The following WDPCP variants were observed in gnomAD, a reference collection of about 807,000 sequenced individuals.
The protein encoded by WDPCP is WD repeat-containing and planar cell polarity effector protein fritz homolog.
Under a neutral mutation model 93.1 loss-of-function variants are expected in WDPCP, and 71 were observed. The observed-to-expected ratio is 0.76, with a 90% CI of 0.63 to 0.93. The LOEUF is 0.93. Ranked by LOEUF, WDPCP falls within the 40% of genes least tolerant of loss-of-function variation. The probability of loss-of-function intolerance (pLI) is 0.00; values close to 1 mark genes in which losing one functional copy is unlikely to be tolerated. For synonymous variants in WDPCP, 315 were observed against 315.0 expected (o/e 1.00, Z 0.00); for missense variants, 844 against 887.4 (o/e 0.95, Z 0.62).
At chr2:63,226,528 A>G (rs1678305570) in intron 14 of WDPCP, among the ~76,000 whole-genome samples, 1 of 151,914 alleles carries the variant, frequency 6.6e-6, no homozygotes, top group Non-Finnish European at 1.5e-5. Context: ...AATAAACAGA[A>G]GAAAGGTTAT....
chr2:63,508,926 T>C (rs6717963), intron 1 of WDPCP, among the ~76,000 whole-genome samples: 148,368 of 152,300 alleles, frequency 0.97, 72,291 homozygotes, highest in East Asian at 1. Flanking sequence ...CACTCAGATT[T>C]ATAAAGCAAG....
At chr2:63,389,106 C>T (rs2104990155) in intron 10 of WDPCP, among the ~76,000 whole-genome samples, 1 of 152,176 alleles carries the variant, frequency 6.6e-6, no homozygotes, top group East Asian at 1.9e-4. Flanking sequence ...GTCAGATTCA[C>T]CAAGGTTGAA....
At chr2:63,575,269 A>G (rs1055868992) in intron 1 of WDPCP, among the ~76,000 whole-genome samples, 5 of 149,496 alleles carry the variant, frequency 3.3e-5, no homozygotes, top group African/African-American at 1.2e-4. Context: ...TCTATACATA[A>G]TACATATTAT....
chr2:63,291,727 T>G (rs924005589), intron 13 of WDPCP, among the ~76,000 whole-genome samples: 5 of 151,612 alleles, frequency 3.3e-5, no homozygotes, highest in Non-Finnish European at 7.4e-5. Context: ...GAGAATTACT[T>G]GAATGCAGGA....
rs148750774 is a variant in WDPCP, at chr2:63,569,541, C to T, written c.75+18656G>A. On this transcript the variant is annotated intron_variant, in intron 1 of 17. Coordinates refer to ENST00000272321, the MANE Select transcript of WDPCP (RefSeq NM_015910.7). ...GAAGCAATGTCATTCAAAAAAAAGA[C>T]GGGAAGGTCCAAAGATTACAAGCAC... Among the ~76,000 whole-genome samples the T allele has an allele frequency of 2.0e-3, 298 of 152,252 alleles. 2 individuals are homozygous for T. The highest frequency in any genetic ancestry group is 6.9e-3 in the African/African-American group (287 of 41,556).
At chr2:63,451,807 C>T (rs570733179) in intron 6 of WDPCP, among the ~76,000 whole-genome samples, 336 of 152,234 alleles carry the variant, frequency 2.2e-3, no homozygotes, top group Non-Finnish European at 4.0e-3. Context: ...AATCAATAAA[C>T]GTAATCCAGC....
At chr2:63,747,025 G>A (rs1347480326) in intron 2 of WDPCP, among the ~76,000 whole-genome samples, 1 of 151,794 alleles carries the variant, frequency 6.6e-6, no homozygotes, top group Non-Finnish European at 1.5e-5. Flanking sequence ...TCTCTCTTTT[G>A]TACTCTTTCC....
intron 1 of WDPCP, among the ~76,000 whole-genome samples, chr2:63,502,936 G>A (rs1701647164): frequency 6.6e-6 from 1 of 152,104 alleles, no homozygotes; most frequent in South Asian, 2.1e-4. Flanking sequence ...TGAAGCAAAA[G>A]GTGACAGATT....
At chr2:63,675,241 A>G (rs1356183689) in intron 2 of WDPCP, among the ~76,000 whole-genome samples, 14 of 152,096 alleles carry the variant, frequency 9.2e-5, no homozygotes, top group Non-Finnish European at 2.9e-5. Context: ...GGACTCTTCT[A>G]CCACCCAGGC....
chr2:63,134,466 G>A (rs2103619549), intron 17 of WDPCP, among the ~76,000 whole-genome samples: 1 of 152,266 alleles, frequency 6.6e-6, no homozygotes, highest in South Asian at 2.1e-4. Flanking sequence ...TTATATATAT[G>A]CATACACAAA....
At chr2:63,172,094 C>T (rs1673436595) in intron 15 of WDPCP, among the ~76,000 whole-genome samples, 1 of 152,154 alleles carries the variant, frequency 6.6e-6, no homozygotes, top group African/African-American at 2.4e-5. Flanking sequence ...TGGAAATGCT[C>T]TAAACCTAAA....
intron 2 of WDPCP, among the ~76,000 whole-genome samples, chr2:63,759,541 T>C (rs1172491622): frequency 1.3e-5 from 2 of 152,202 alleles, no homozygotes; most frequent in Non-Finnish European, 2.9e-5. Flanking sequence ...TATAAATCTT[T>C]TTCCTTTCTT....
chr2:63,225,056 TA>T (rs74271878), intron 14 of WDPCP, among the ~76,000 whole-genome samples: 1,784 of 130,476 alleles, frequency 0.014, 27 homozygotes, highest in African/African-American at 0.038. Flanking sequence ...CTACAATGAC[TA>T]AAAAAAAAAA....
chr2:63,398,881 T>C (rs1558575340), intron 10 of WDPCP, among the ~76,000 whole-genome samples: 1 of 152,138 alleles, frequency 6.6e-6, no homozygotes, highest in Admixed American at 6.6e-5. Context: ...ATGCCCAGAA[T>C]CAGCACTGAC....
At chr2:63,386,884 C>T (rs935995256) in intron 10 of WDPCP, among the ~76,000 whole-genome samples, 4 of 151,728 alleles carry the variant, frequency 2.6e-5, no homozygotes, top group Admixed American at 2.6e-4. Flanking sequence ...AGCTAGAAAA[C>T]CTAGAAGATA....
chr2:63,678,656 A>G (rs1449860732), intron 2 of WDPCP, among the ~76,000 whole-genome samples: 1 of 152,200 alleles, frequency 6.6e-6, no homozygotes, highest in African/African-American at 2.4e-5. Flanking sequence ...AGCTTTTGCT[A>G]ATCAGATGCA....
intron 1 of WDPCP, among the ~76,000 whole-genome samples, chr2:63,572,223 C>G (rs1707562636): frequency 6.6e-6 from 1 of 152,172 alleles, no homozygotes; most frequent in Non-Finnish European, 1.5e-5. Context: ...GCTACTTCAT[C>G]TAATCTAACT....
chr2:63,360,389 CCCTT>C (rs2104650993), intron 12 of WDPCP, among the ~76,000 whole-genome samples: 1 of 152,306 alleles, frequency 6.6e-6, no homozygotes, highest in African/African-American at 2.4e-5. Flanking sequence ...TACTTTGACT[CCCTT>C]CCAGAAACCC....
intron 1 of WDPCP, among the ~76,000 whole-genome samples, chr2:63,549,305 A>G (rs1245502861): frequency 1.3e-5 from 2 of 151,694 alleles, no homozygotes. Flanking sequence ...ATCTAAAGGA[A>G]TTAAAAATAA....
Sources: allele counts gnomAD v4.1 joint callset (sites outside exome capture counted in the v4.1 genomes callset), GRCh38; gene constraint gnomAD v4.1.1; transcripts MANE v1.5; gene names NCBI Gene and HGNC (gene_info 2026-07-23, HGNC 2026-07-21).